The following ARID1B variants were observed in gnomAD, a reference collection of about 807,000 sequenced individuals.
ARID1B encodes the protein AT-rich interaction domain 1B.
ARID1B carries 30 observed loss-of-function variants against 212.3 expected under a neutral mutation model. That is an observed-to-expected ratio of 0.14 (90% CI 0.11 to 0.19). The LOEUF is 0.19. ARID1B is among the 10% of genes least tolerant of loss of function. The probability of loss-of-function intolerance (pLI) is 1.00; values close to 1 mark genes in which losing one functional copy is unlikely to be tolerated. For missense variants in ARID1B, 2,891 were observed against 3,204.0 expected, an observed-to-expected ratio of 0.90 and a Z score of 2.36; for synonymous variants, 1,402 against 1,301.7, an observed-to-expected ratio of 1.08 and a Z score of -1.66.
intron 4 of ARID1B, chr6:157,036,873 C>G (rs745913690): frequency 8.0e-6 from 4 of 500,738 alleles, no homozygotes; most frequent in South Asian, 4.6e-5. Flanking sequence ...CCTTTGGACT[C>G]AAGGTGTGTA....
chr6:157,127,793 A>C (rs943332597), intron 6 of ARID1B, among the ~76,000 whole-genome samples: 3 of 121,880 alleles, frequency 2.5e-5, no homozygotes, highest in African/African-American at 6.5e-5. Context: ...CAAAAAAAAA[A>C]AAAAAAAAAA....
rs979959915 is a variant in ARID1B at position 156,913,022 on chromosome 6, T to C, written c.2136+11497T>C. On this transcript the variant is annotated intron_variant, in intron 3 of 19. Transcript: ENST00000636930. The stretch of plus-strand genomic sequence containing the variant: ...TTGAAATGGCTCTTTTCATACTTTC[T>C]TTTTTTTTTTTTTCACTTGCTTTGT... 2.4e-4 allele frequency among the ~76,000 whole-genome samples: 14 copies of C among 57,694 alleles called. No individual in the cohort carries two copies. In the East Asian group the frequency reaches 2.9e-3, roughly 12 times the overall value. 37.8% of individuals were successfully genotyped at this position (57,694 alleles called of 152,430 possible).
At chr6:156,786,288 T>C (rs1256091701) in intron 1 of ARID1B, among the ~76,000 whole-genome samples, 8 of 152,206 alleles carry the variant, frequency 5.3e-5, no homozygotes, top group Admixed American at 5.2e-4. Context: ...CATGTCCTTT[T>C]CCATAGTGTT....
chr6:157,048,258 A>C (rs1213806400), intron 4 of ARID1B, among the ~76,000 whole-genome samples: 1 of 152,234 alleles, frequency 6.6e-6, no homozygotes, highest in South Asian at 2.1e-4. Flanking sequence ...ATCAGGGATG[A>C]TTTTTAAAAA....
intron 4 of ARID1B, among the ~76,000 whole-genome samples, chr6:156,945,089 A>ATTT (rs1189157210): frequency 1.0e-4 from 13 of 124,606 alleles, no homozygotes; most frequent in African/African-American, 3.9e-4. Flanking sequence ...AGTCGGGCTA[A>ATTT]TTTTTTTGTA....
chr6:156,848,628 G>T (rs1027173376), intron 2 of ARID1B, among the ~76,000 whole-genome samples: 1 of 152,222 alleles, frequency 6.6e-6, no homozygotes, highest in Non-Finnish European at 1.5e-5. Context: ...TCTTCTCTGT[G>T]CATTTTTGGT....
intron 8 of ARID1B, among the ~76,000 whole-genome samples, chr6:157,155,489 AAAAG>A (rs1790518381): frequency 6.6e-6 from 1 of 152,198 alleles, no homozygotes; most frequent in Admixed American, 6.5e-5. Flanking sequence ...CAAAAAAAAA[AAAAG>A]GGTAAAATGA....
intron 3 of ARID1B, among the ~76,000 whole-genome samples, chr6:156,924,413 G>A (rs140994152): frequency 2.6e-5 from 4 of 152,224 alleles, no homozygotes; most frequent in South Asian, 4.1e-4. Context: ...CTGACTGATT[G>A]CCAGCATCAC....
chr6:157,164,427 C>T (rs1791177414), intron 8 of ARID1B, among the ~76,000 whole-genome samples: 1 of 152,098 alleles, frequency 6.6e-6, no homozygotes. Flanking sequence ...CAGTCATTTG[C>T]CTGGTGGATT....
chr6:157,012,268 C>T lies in ARID1B; in HGVS notation c.2248-72394C>T, dbSNP rs142050345. Among the ~76,000 whole-genome samples, 197 of 152,190 alleles carry T rather than the reference C, an allele frequency of 1.3e-3. 3 individuals carry two copies. The highest frequency in any genetic ancestry group is 4.1e-3 in the African/African-American group (171 of 41,520). The stretch of plus-strand genomic sequence containing the variant: ...GTAAAGCCAAACAAACATGATATAA[C>T]GTAATAATTGTGTTTAATTTGTGGA... On this transcript the variant is annotated intron_variant, in intron 4 of 19. Transcript: ENST00000636930.
chr6:157,168,882 T>A (rs1433774602), intron 9 of ARID1B: 1 of 152,234 alleles, frequency 6.6e-6, no homozygotes, highest in Non-Finnish European at 1.5e-5. Flanking sequence ...ATTGAATTTT[T>A]AATAATTTAA....
intron 4 of ARID1B, 54 bp from the exon 5 acceptor site, chr6:157,084,608 A>T (rs1374998878): frequency 5.1e-6 from 8 of 1,573,456 alleles, no homozygotes; most frequent in Non-Finnish European, 6.9e-6. Context: ...TCGTCTTTTG[A>T]TGAGATATTC....
intron 6 of ARID1B, among the ~76,000 whole-genome samples, chr6:157,121,471 T>C (rs938748607): frequency 1.3e-5 from 2 of 152,182 alleles, no homozygotes; most frequent in East Asian, 3.8e-4. Flanking sequence ...TACAAAAATA[T>C]TCATTTTTTC....
At chr6:156,999,987 GGAGT>G (rs753101389) in intron 4 of ARID1B, among the ~76,000 whole-genome samples, 26 of 152,336 alleles carry the variant, frequency 1.7e-4, no homozygotes, top group Admixed American at 1.4e-3. Flanking sequence ...ATGGTGACAT[GGAGT>G]GAGTGAGTGA....
chr6:157,116,411 G>A (rs1055449482), intron 6 of ARID1B, among the ~76,000 whole-genome samples: 5 of 149,994 alleles, frequency 3.3e-5, no homozygotes, highest in East Asian at 1.9e-4. Flanking sequence ...TGTTAATGCC[G>A]GTGATTTTCT....
intron 4 of ARID1B, among the ~76,000 whole-genome samples, chr6:157,006,319 T>C (rs1779248757): frequency 6.6e-6 from 1 of 152,198 alleles, no homozygotes; most frequent in Non-Finnish European, 1.5e-5. Flanking sequence ...TGATGTGACA[T>C]GGTGCATGTG....
chr6:157,207,787 C>A lies in ARID1B; in HGVS notation c.7015C>A (p.Leu2339Ile), dbSNP rs529165553. The A allele has an allele frequency of 1.3e-6, 2 of 1,563,312 alleles. No homozygotes were observed. Among genetic ancestry groups the A allele is most frequent in the Middle Eastern group, 1.7e-4 (1 of 5,828 alleles). Residue 2339 changes from leucine (L) to isoleucine (I), a missense_variant, in exon 20 of 20, where the codon CTT (leucine) becomes ATT (isoleucine). By Grantham distance (5) the Leu-to-Ile change is conservative (BLOSUM62 2). Around this residue, in one of 7 missense-constraint regions of ARID1B, gnomAD observed 187 missense variants for 306.5 expected, o/e 0.61. Coordinates refer to ENST00000636930, the MANE Select transcript of ARID1B (RefSeq NM_001374828.1). The surrounding 1 kb of genome is among the most constrained non-coding windows in gnomAD (Gnocchi z 8.5). The part of the protein sequence containing the change: ...ARVDENRSEF[L>I]LHEGRLLDIS... ...AGTGGACGAAAACCGCTCGGAATTC[C>A]TTTTGCACGAGGGCCGGTTGCTGGA...
chr6:157,069,895 C>T (rs1379350457), intron 4 of ARID1B, among the ~76,000 whole-genome samples: 1 of 152,154 alleles, frequency 6.6e-6, no homozygotes, highest in African/African-American at 2.4e-5. Context: ...GCGTCCTAGC[C>T]TATACGAATA....
chr6:157,108,691 T>C (rs887866206), intron 5 of ARID1B, among the ~76,000 whole-genome samples: 21 of 152,230 alleles, frequency 1.4e-4, no homozygotes, highest in Non-Finnish European at 2.6e-4. Flanking sequence ...GAATGTTAGG[T>C]GTTTTTTACT....
Sources: allele counts gnomAD v4.1 joint callset (sites outside exome capture counted in the v4.1 genomes callset), GRCh38; gene constraint gnomAD v4.1.1; regional missense constraint gnomAD v4.1.1; non-coding constraint Gnocchi (gnomAD v3.1); transcripts MANE v1.5; gene names NCBI Gene and HGNC (gene_info 2026-07-23, HGNC 2026-07-21).